ZNF804B: variants seen among roughly 807,000 people sequenced by gnomAD.
ZNF804B encodes zinc finger 804B.
A neutral mutation model predicts 101.4 loss-of-function variants in ZNF804B; 80 were observed. The observed-to-expected ratio is 0.79, with a 90% CI of 0.66 to 0.95. ZNF804B has a LOEUF of 0.95. Ranked by LOEUF, ZNF804B falls within the 40% of genes least tolerant of loss-of-function variation. The pLI is 0.00. For missense variants in ZNF804B, 1,673 were observed against 1,561.9 expected (o/e 1.07, Z -1.20); for synonymous variants, 622 against 558.8 (o/e 1.11, Z -1.59).
intron 1 of ZNF804B, among the ~76,000 whole-genome samples, chr7:89,160,463 T>C (rs2116418864): frequency 6.6e-6 from 1 of 152,322 alleles, no homozygotes. Context: ...AAATACATTG[T>C]TCCAGCCATG....
At chr7:89,059,062 G>A (rs901641122) in intron 1 of ZNF804B, among the ~76,000 whole-genome samples, 2 of 152,092 alleles carry the variant, frequency 1.3e-5, no homozygotes, top group Non-Finnish European at 2.9e-5. Flanking sequence ...CTAGTGTATT[G>A]AGACTGTACT....
intron 1 of ZNF804B, among the ~76,000 whole-genome samples, chr7:89,049,084 AT>A (rs1299042760): frequency 3.3e-5 from 5 of 150,616 alleles, no homozygotes; most frequent in African/African-American, 1.3e-4. Context: ...CAAAGTCGCT[AT>A]TGTCTATCAT....
intron 1 of ZNF804B, among the ~76,000 whole-genome samples, chr7:88,824,596 A>T (rs576356184): frequency 2.6e-5 from 4 of 152,256 alleles, no homozygotes; most frequent in Admixed American, 1.3e-4. Flanking sequence ...AGCACCTTCA[A>T]ATCAATGTTG....
At chr7:89,046,529 T>A (rs904464765) in intron 1 of ZNF804B, among the ~76,000 whole-genome samples, 1 of 152,190 alleles carries the variant, frequency 6.6e-6, no homozygotes, top group African/African-American at 2.4e-5. Flanking sequence ...CTTCTCTCAT[T>A]GTCTGAAATG....
At position 89,334,087 on chromosome 7, in the gene ZNF804B, C is replaced by T. The variant is rs141118086; in HGVS notation, c.1105C>T (p.Pro369Ser). 3.1e-3 allele frequency: 4,924 copies of T among 1,613,594 alleles called. 118 individuals are homozygous for T. In the African/African-American group the frequency reaches 0.058, roughly 19 times the overall value. ...ATGCCAAGCAAATGCTTCCTTCAGC[C>T]CACCAAACATTTACAACCATAGTGA... ...HPCQANASFS[P>S]PNIYNHSDAR... The change falls in exon 4 of 4, where the codon CCA becomes TCA. Residue 369 changes from proline to serine, a missense_variant. Coordinates refer to ENST00000333190, the MANE Select transcript of ZNF804B (RefSeq NM_181646.5).
intron 1 of ZNF804B, among the ~76,000 whole-genome samples, chr7:89,190,551 AT>A (rs1788441143): frequency 1.3e-5 from 2 of 152,160 alleles, no homozygotes; most frequent in African/African-American, 4.8e-5. Context: ...AGAATATTAC[AT>A]AAACTTAGTT....
At position 89,009,480 on chromosome 7, in the gene ZNF804B, G is replaced by C. The variant is rs542143237; in HGVS notation, c.109-208675G>C. 1.7e-4 allele frequency among the ~76,000 whole-genome samples: 26 copies of C among 152,202 alleles called. No homozygotes were observed. In the South Asian group the frequency reaches 3.7e-3, roughly 22 times the overall value. ...ATCTTGACAATGGAGCTTCTTTCGT[G>C]TCAACCTAATTTTAATTGATGTGCA... On this transcript the variant is annotated intron_variant, in intron 1 of 3. Transcript: ENST00000333190.
chr7:89,269,312 T>C (rs1250611217), intron 2 of ZNF804B, among the ~76,000 whole-genome samples: 2 of 152,156 alleles, frequency 1.3e-5, no homozygotes, highest in Non-Finnish European at 2.9e-5. Context: ...GAACATGTTG[T>C]GTTTGGTTTT....
chr7:88,983,908 G>A (rs1461262601), intron 1 of ZNF804B, among the ~76,000 whole-genome samples: 3 of 151,880 alleles, frequency 2.0e-5, no homozygotes, highest in Non-Finnish European at 2.9e-5. Context: ...ACTTTAATAT[G>A]CTATATCTGA....
At position 89,208,144 on chromosome 7, in the gene ZNF804B, C is replaced by G. The variant is rs1420347059; in HGVS notation, c.109-10011C>G. On this transcript the variant is annotated intron_variant, in intron 1 of 3. Transcript: ENST00000333190. ...TCGTCCAGGCTGGAGTGCAGTGGCA[C>G]AATCTCGGCTCACTGCAAGCTCTGC... Among the ~76,000 whole-genome samples, 6 of 149,610 alleles carry G rather than the reference C, an allele frequency of 4.0e-5. No individual in the cohort carries two copies. In the South Asian group the frequency reaches 6.4e-4, roughly 16 times the overall value.
chr7:88,805,601 C>T (rs551527037), intron 1 of ZNF804B, among the ~76,000 whole-genome samples: 114 of 152,084 alleles, frequency 7.5e-4, no homozygotes, highest in Non-Finnish European at 1.4e-3. Flanking sequence ...ACATAAGGTA[C>T]GATCACTTTT....
At chr7:88,872,190 AT>A (rs750444498) in intron 1 of ZNF804B, among the ~76,000 whole-genome samples, 4 of 152,168 alleles carry the variant, frequency 2.6e-5, no homozygotes, top group Non-Finnish European at 5.9e-5. Context: ...AGGCAAACAC[AT>A]TTAATTGGGA....
chr7:89,155,760 T>C (rs897428018), intron 1 of ZNF804B, among the ~76,000 whole-genome samples: 16 of 152,186 alleles, frequency 1.1e-4, no homozygotes, highest in Non-Finnish European at 2.2e-4. Flanking sequence ...TCATTGCCCA[T>C]TCTATTATCT....
chr7:88,831,700 T>C (rs1034768340), intron 1 of ZNF804B, among the ~76,000 whole-genome samples: 11 of 151,912 alleles, frequency 7.2e-5, no homozygotes, highest in Non-Finnish European at 1.2e-4. Flanking sequence ...CTTCTAACTC[T>C]CTGATTAACA....
chr7:89,309,005 A>T (rs572354146), intron 2 of ZNF804B, among the ~76,000 whole-genome samples: 22 of 152,272 alleles, frequency 1.4e-4, no homozygotes, highest in Non-Finnish European at 2.8e-4. Flanking sequence ...CTTTTATTTT[A>T]GAATCAGGGG....
At chr7:89,291,723 GTAA>G (rs1790294594) in intron 2 of ZNF804B, among the ~76,000 whole-genome samples, 1 of 152,040 alleles carries the variant, frequency 6.6e-6, no homozygotes, top group Admixed American at 6.6e-5. Context: ...ATTCAAATGG[GTAA>G]TAATAGAGAA....
At chr7:89,166,002 A>C (rs1212977620) in intron 1 of ZNF804B, among the ~76,000 whole-genome samples, 2 of 152,154 alleles carry the variant, frequency 1.3e-5, no homozygotes, top group Non-Finnish European at 2.9e-5. Flanking sequence ...TATAAGTTTT[A>C]TATTACTGGT....
chr7:89,336,733 C>CT lies in ZNF804B; in HGVS notation c.3752dup (p.Thr1252AspfsTer79), dbSNP rs1791100292. ...TTTCAGTCCTATTTCATTTTCGACTCTGACTCCAACCATTATCCCTGCACA... is the reference window on the plus strand; with the variant it reads ...TTTCAGTCCTATTTCATTTTCGACTCTTGACTCCAACCATTATCCCTGCACA... On this transcript the variant is annotated frameshift_variant, in exon 4 of 4. Transcript: ENST00000333190. LOFTEE classifies it high-confidence loss of function. 6.2e-7 allele frequency: 1 copy of CT among 1,613,984 alleles called. No individual in the cohort carries two copies. Among genetic ancestry groups the CT allele is most frequent in the African/African-American group, 1.3e-5 (1 of 74,924 alleles).
At chr7:89,133,185 G>A (rs1452919362) in intron 1 of ZNF804B, among the ~76,000 whole-genome samples, 1 of 151,990 alleles carries the variant, frequency 6.6e-6, no homozygotes, top group Non-Finnish European at 1.5e-5. Context: ...TAGGAAGGGA[G>A]GTAAATGAGC....
Sources: allele counts gnomAD v4.1 joint callset (sites outside exome capture counted in the v4.1 genomes callset), GRCh38; gene constraint gnomAD v4.1.1; transcripts MANE v1.5; gene names NCBI Gene and HGNC (gene_info 2026-07-23, HGNC 2026-07-21).